DNAH14: variants seen among roughly 807,000 people sequenced by gnomAD.
The protein encoded by DNAH14 is dynein axonemal heavy chain 14.
Under a neutral mutation model 520.9 loss-of-function variants are expected in DNAH14, and 478 were observed. That is an observed-to-expected ratio of 0.92 (90% CI 0.85 to 0.99). The LOEUF (loss-of-function observed/expected upper bound fraction) is 0.99, where lower values mean the gene tolerates loss of function less well. DNAH14 is among the 50% of genes least tolerant of loss of function. The pLI is 0.00. For synonymous variants in DNAH14, 1,581 were observed against 1,757.2 expected, an observed-to-expected ratio of 0.90 and a Z score of 2.51; for missense variants, 4,831 against 5,234.5, an observed-to-expected ratio of 0.92 and a Z score of 2.38.
intron 67 of DNAH14, 111 bp from the exon 68 acceptor site, chr1:225,337,950 G>A: frequency 9.4e-7 from 1 of 1,067,608 alleles, no homozygotes; most frequent in Non-Finnish European, 1.3e-6. Context: ...GAAATACTAG[G>A]TCTTATTCAT....
chr1:225,249,981 G>A (rs1396994961), intron 43 of DNAH14, among the ~76,000 whole-genome samples: 1 of 152,082 alleles, frequency 6.6e-6, no homozygotes, highest in Non-Finnish European at 1.5e-5. Context: ...TTTACCAGTT[G>A]GTAGACATTT....
At chr1:224,931,040 T>A (rs1175443003) in intron 1 of DNAH14, among the ~76,000 whole-genome samples, 1 of 152,246 alleles carries the variant, frequency 6.6e-6, no homozygotes, top group Non-Finnish European at 1.5e-5. Flanking sequence ...GCTCCATGTG[T>A]TATTACCCCA....
At chr1:225,305,206 G>C in intron 58 of DNAH14, 117 bp downstream of exon 58, 1 of 1,141,538 alleles carries the variant, frequency 8.8e-7, no homozygotes, top group South Asian at 1.6e-5. Flanking sequence ...CAAAAAGCCA[G>C]AAGCTGCAGA....
At chr1:225,335,448 C>T (rs2094947101) in intron 66 of DNAH14, among the ~76,000 whole-genome samples, 1 of 116,814 alleles carries the variant, frequency 8.6e-6, no homozygotes, top group African/African-American at 3.1e-5. Context: ...TGTGTGTATG[C>T]ACATATGCAC....
At chr1:225,331,864 A>G (rs1366259623) in intron 65 of DNAH14, among the ~76,000 whole-genome samples, 2 of 152,230 alleles carry the variant, frequency 1.3e-5, no homozygotes, top group Non-Finnish European at 2.9e-5. Context: ...TGAAAATGTC[A>G]TTAGTTTTCC....
intron 35 of DNAH14, among the ~76,000 whole-genome samples, chr1:225,166,727 G>C (rs988571428): frequency 2.0e-5 from 3 of 152,176 alleles, no homozygotes. Context: ...TCCAAAGTGT[G>C]TGTCATTATC....
At chr1:224,980,139 C>A (rs1003570309) in intron 8 of DNAH14, among the ~76,000 whole-genome samples, 1 of 152,246 alleles carries the variant, frequency 6.6e-6, no homozygotes, top group South Asian at 2.1e-4. Flanking sequence ...TGTCTTGCAC[C>A]TTAGGTACTA....
At chr1:225,216,985 T>G (rs1460904573) in intron 41 of DNAH14, among the ~76,000 whole-genome samples, 1 of 152,152 alleles carries the variant, frequency 6.6e-6, no homozygotes, top group Non-Finnish European at 1.5e-5. Flanking sequence ...GCGCTCTGAT[T>G]TTTAGAATTT....
intron 41 of DNAH14, among the ~76,000 whole-genome samples, chr1:225,229,345 T>G (rs924429788): frequency 2.0e-5 from 3 of 152,216 alleles, no homozygotes; most frequent in African/African-American, 7.2e-5. Context: ...TCAACCATTC[T>G]GGAAGACAGT....
At chr1:225,367,492 T>C (rs1038556606) in intron 76 of DNAH14, among the ~76,000 whole-genome samples, 1 of 152,236 alleles carries the variant, frequency 6.6e-6, no homozygotes, top group African/African-American at 2.4e-5. Flanking sequence ...GTTTAGGCTC[T>C]CATAACTCTT....
chr1:225,016,500 T>C (rs1354862562), intron 10 of DNAH14, among the ~76,000 whole-genome samples: 1 of 152,220 alleles, frequency 6.6e-6, no homozygotes, highest in Non-Finnish European at 1.5e-5. Flanking sequence ...ACTTTGTCAA[T>C]TTGACTATAA....
chr1:225,226,611 G>A (rs970433434), intron 41 of DNAH14, among the ~76,000 whole-genome samples: 6 of 152,192 alleles, frequency 3.9e-5, no homozygotes, highest in Non-Finnish European at 7.3e-5. Context: ...TTTGAAGGGG[G>A]CCTGCCCCTC....
intron 17 of DNAH14, among the ~76,000 whole-genome samples, chr1:225,066,119 G>T (rs551270401): frequency 6.6e-6 from 1 of 152,038 alleles, no homozygotes; most frequent in Admixed American, 6.5e-5. Flanking sequence ...GTGATATTGA[G>T]CATTTTTTTC....
chr1:225,042,818 A>T lies in DNAH14; in HGVS notation c.1489-17A>T. On this transcript the variant is annotated splice_polypyrimidine_tract_variant and intron_variant, in intron 12 of 85. Coordinates refer to ENST00000682510, the MANE Select transcript of DNAH14 (RefSeq NM_001367479.1). ...TATATGTTGTCACTGGCACCCTCAC[A>T]TTATCCGTTAAATTAGATTTTGAAT... The T allele has an allele frequency of 6.5e-7, 1 of 1,540,778 alleles. No individual in the cohort carries two copies. The highest frequency in any genetic ancestry group is 8.8e-7 in the Non-Finnish European group (1 of 1,141,462).
At chr1:225,022,187 C>A (rs1294092040) in intron 10 of DNAH14, among the ~76,000 whole-genome samples, 1 of 152,044 alleles carries the variant, frequency 6.6e-6, no homozygotes, top group African/African-American at 2.4e-5. Context: ...TGGACATCAA[C>A]CTTGACAAAG....
At chr1:225,351,573 A>G (rs2095366946) in intron 71 of DNAH14, 74 bp from the exon 72 acceptor site, 3 of 1,025,190 alleles carry the variant, frequency 2.9e-6, no homozygotes, top group Admixed American at 6.4e-5. Flanking sequence ...TTTGTCAAGT[A>G]TCTACTTTGT....
intron 27 of DNAH14, among the ~76,000 whole-genome samples, chr1:225,128,680 G>T (rs2078044293): frequency 6.6e-6 from 1 of 151,932 alleles, no homozygotes; most frequent in African/African-American, 2.4e-5. Context: ...AATAATAAGA[G>T]CTATCTATGA....
intron 69 of DNAH14, among the ~76,000 whole-genome samples, chr1:225,344,076 G>A (rs2095245638): frequency 6.6e-6 from 1 of 152,082 alleles, no homozygotes; most frequent in Non-Finnish European, 1.5e-5. Flanking sequence ...GTTCCTTGTA[G>A]TAGAGTCTGG....
intron 79 of DNAH14, among the ~76,000 whole-genome samples, chr1:225,379,800 C>T (rs1168013880): frequency 6.6e-6 from 1 of 152,202 alleles, no homozygotes; most frequent in Non-Finnish European, 1.5e-5. Context: ...GCAGGGATTA[C>T]AGGCATGAGC....
Sources: gnomAD v4.1 joint callset for allele counts (sites outside exome capture counted in the v4.1 genomes callset) on GRCh38, gnomAD v4.1.1 for gene constraint, MANE v1.5 for transcripts, NCBI Gene and HGNC (gene_info 2026-07-23, HGNC 2026-07-21) for gene names.